RSRC1: variants seen among roughly 807,000 people sequenced by gnomAD.
RSRC1 encodes the protein serine/Arginine-related protein 53.
Under a neutral mutation model 49.1 loss-of-function variants are expected in RSRC1, and 39 were observed. That is an observed-to-expected ratio of 0.79 (90% confidence interval 0.61 to 1.04). The LOEUF (loss-of-function observed/expected upper bound fraction) is 1.04, where lower values mean the gene tolerates loss of function less well. RSRC1 is among the 50% of genes least tolerant of loss of function. The probability of loss-of-function intolerance (pLI) is 0.00; values close to 1 mark genes in which losing one functional copy is unlikely to be tolerated. For synonymous variants in RSRC1, 143 were observed against 130.8 expected, an observed-to-expected ratio of 1.09 and a Z score of -0.63; for missense variants, 388 against 402.4, an observed-to-expected ratio of 0.96 and a Z score of 0.31.
At chr3:158,473,852 T>C (rs898960456) in intron 7 of RSRC1, among the ~76,000 whole-genome samples, 1 of 152,198 alleles carries the variant, frequency 6.6e-6, no homozygotes, top group Admixed American at 6.5e-5. Flanking sequence ...TGGCATTCTA[T>C]GTGAACTCAA....
chr3:158,440,943 A>T (rs1271849651), intron 6 of RSRC1, among the ~76,000 whole-genome samples: 1 of 152,162 alleles, frequency 6.6e-6, no homozygotes, highest in Non-Finnish European at 1.5e-5. Flanking sequence ...ACTCCATCTC[A>T]TAAGAAAAAA....
At chr3:158,353,873 G>A (rs1164893581) in intron 5 of RSRC1, among the ~76,000 whole-genome samples, 1 of 151,552 alleles carries the variant, frequency 6.6e-6, no homozygotes, top group African/African-American at 2.4e-5. Flanking sequence ...TTTTTAACAG[G>A]TCTTTAGTAA....
intron 3 of RSRC1, among the ~76,000 whole-genome samples, chr3:158,148,854 G>C (rs940364956): frequency 3.3e-5 from 5 of 151,778 alleles, no homozygotes; most frequent in Non-Finnish European, 5.9e-5. Flanking sequence ...CGCGATCTCG[G>C]CTCACTGCAG....
intron 6 of RSRC1, among the ~76,000 whole-genome samples, chr3:158,398,650 T>TA (rs1281137945): frequency 6.6e-6 from 1 of 152,156 alleles, no homozygotes; most frequent in Non-Finnish European, 1.5e-5. Context: ...GGATGGATTA[T>TA]AAAATGATAA....
At chr3:158,465,609 G>A (rs1737847274) in intron 7 of RSRC1, among the ~76,000 whole-genome samples, 1 of 152,096 alleles carries the variant, frequency 6.6e-6, no homozygotes, top group Non-Finnish European at 1.5e-5. Flanking sequence ...GTCCTTTCTA[G>A]CCCTCGTCCT....
At chr3:158,141,873 G>A (rs925834826) in intron 3 of RSRC1, among the ~76,000 whole-genome samples, 27 of 152,222 alleles carry the variant, frequency 1.8e-4, no homozygotes, top group Admixed American at 3.3e-4. Flanking sequence ...CGATATGGGC[G>A]GATCACTTGA....
At chr3:158,501,808 G>T (rs1358302905) in intron 7 of RSRC1, among the ~76,000 whole-genome samples, 1 of 152,112 alleles carries the variant, frequency 6.6e-6, no homozygotes, top group Non-Finnish European at 1.5e-5. Flanking sequence ...CCATTCTGCG[G>T]TTCTGTATCT....
At chr3:158,528,561 T>C (rs533799506) in intron 7 of RSRC1, among the ~76,000 whole-genome samples, 30 of 151,942 alleles carry the variant, frequency 2.0e-4, no homozygotes, top group African/African-American at 6.5e-4. Context: ...TTATGGGGTG[T>C]TTAGAGATGG....
intron 7 of RSRC1, among the ~76,000 whole-genome samples, chr3:158,506,208 G>A (rs1739853232): frequency 6.6e-6 from 1 of 152,056 alleles, no homozygotes; most frequent in Admixed American, 6.6e-5. Flanking sequence ...CATCTGAGAA[G>A]GGATTAATAA....
At chr3:158,502,596 T>C (rs1560067467) in intron 7 of RSRC1, among the ~76,000 whole-genome samples, 1 of 152,160 alleles carries the variant, frequency 6.6e-6, no homozygotes, top group African/African-American at 2.4e-5. Context: ...TGTATTGGGT[T>C]AATTTAAAGA....
At chr3:158,127,756 G>GTTTTTTT (rs34766107) in intron 3 of RSRC1, among the ~76,000 whole-genome samples, 3 of 81,262 alleles carry the variant, frequency 3.7e-5, no homozygotes, top group African/African-American at 5.1e-5. Context: ...CTGCTTTGTG[G>GTTTTTTT]TTTTTTTTTT....
At chr3:158,180,172 C>G (rs73164098) in intron 3 of RSRC1, among the ~76,000 whole-genome samples, 1 of 151,912 alleles carries the variant, frequency 6.6e-6, no homozygotes, top group Non-Finnish European at 1.5e-5. Flanking sequence ...TTTTCATCCT[C>G]TTCACAGAGT....
rs547148822 is a variant in RSRC1, at chr3:158,203,636, A to G, written c.494+391A>G. ...TTAGTGATTAAAAATGTCTATTACC[A>G]TATTGTAAAGCTGTTAGCGGAAAAG... On this transcript the variant is annotated intron_variant, in intron 4 of 9. Transcript: ENST00000611884. 9.2e-5 allele frequency among the ~76,000 whole-genome samples: 14 copies of G among 152,314 alleles called. No individual in the cohort carries two copies. In the South Asian group the frequency reaches 1.4e-3, roughly 16 times the overall value.
Position 158,471,750 on chromosome 3 carries a change from T to C in RSRC1, c.652+10747T>C, listed in dbSNP as rs556996652. ...GCTATAAACGACTTCTGCAGACTTA[T>C]TGGGAATGGTAAGAAATTGTTGGAA... On this transcript the variant is annotated intron_variant, in intron 7 of 9. Coordinates refer to ENST00000611884, the MANE Select transcript of RSRC1 (RefSeq NM_001271838.2). Among the ~76,000 whole-genome samples the C allele has an allele frequency of 3.9e-5, 6 of 152,226 alleles. No homozygotes were observed. The South Asian group carries it at 8.3e-4, about 21-fold the overall frequency.
chr3:158,217,530 A>G (rs1164245109), intron 4 of RSRC1, among the ~76,000 whole-genome samples: 3 of 151,632 alleles, frequency 2.0e-5, no homozygotes, highest in Non-Finnish European at 4.4e-5. Context: ...TTATGATGTT[A>G]GGTTCCTCAC....
chr3:158,509,716 C>A (rs1740050954), intron 7 of RSRC1, among the ~76,000 whole-genome samples: 2 of 152,028 alleles, frequency 1.3e-5, no homozygotes, highest in Non-Finnish European at 2.9e-5. Context: ...GACTTGCTTT[C>A]TTTTTCTGTT....
chr3:158,424,911 G>C (rs1735316095), intron 6 of RSRC1, among the ~76,000 whole-genome samples: 1 of 151,558 alleles, frequency 6.6e-6, no homozygotes, highest in Non-Finnish European at 1.5e-5. Flanking sequence ...TATTTCTGTG[G>C]GATCGGTGGT....
chr3:158,377,585 A>G (rs1363065962), intron 6 of RSRC1, among the ~76,000 whole-genome samples: 1 of 151,886 alleles, frequency 6.6e-6, no homozygotes, highest in African/African-American at 2.4e-5. Flanking sequence ...ATGCTGGCCC[A>G]TGCTTCTTGT....
chr3:158,443,980 T>G (rs1488739930), intron 6 of RSRC1, among the ~76,000 whole-genome samples: 2 of 152,112 alleles, frequency 1.3e-5, no homozygotes, highest in Non-Finnish European at 2.9e-5. Flanking sequence ...ACACATACAC[T>G]TATCAATTAA....
Sources: allele counts gnomAD v4.1 joint callset (sites outside exome capture counted in the v4.1 genomes callset), GRCh38; gene constraint gnomAD v4.1.1; transcripts MANE v1.5; gene names NCBI Gene and HGNC (gene_info 2026-07-23, HGNC 2026-07-21).